MKS1: variants seen among roughly 807,000 people sequenced by gnomAD.
MKS1 encodes MKS transition zone complex subunit 1.
A neutral mutation model predicts 83.7 loss-of-function variants in MKS1; 70 were observed. The observed-to-expected ratio is 0.84, with a 90% CI of 0.69 to 1.02. The LOEUF (loss-of-function observed/expected upper bound fraction) is 1.02. Ranked by LOEUF, MKS1 falls within the 50% of genes least tolerant of loss-of-function variation. The pLI is 0.00. For synonymous variants in MKS1, 251 were observed against 273.4 expected (o/e 0.92, Z 0.81); for missense variants, 681 against 726.9 (o/e 0.94, Z 0.73).
intron 2 of MKS1, 70 bp from the exon 3 acceptor site, chr17:58,216,806 A>G (rs758064539): frequency 9.5e-5 from 141 of 1,482,336 alleles, no homozygotes; most frequent in African/African-American, 2.2e-4. Flanking sequence ...GTGGTTTATT[A>G]TAACCAAAGT....
In MKS1 at chr17:58,205,659, C is replaced by T. The variant is rs958058326; in HGVS notation, c.*420G>A. The T allele has an allele frequency of 7.6e-7, 1 of 1,308,624 alleles. No homozygotes were observed. Among genetic ancestry groups the T allele is most frequent in the African/African-American group, 1.5e-5 (1 of 66,052 alleles). 81.1% of individuals were successfully genotyped at this position (1,308,624 alleles called of 1,614,324 possible). Reference sequence around the variant, plus strand: ...TCACAGGCTGGGGATTTAAGACCCTCTCACCGTCCACCTTCCTTCCTTCTT... The same window carrying T: ...TCACAGGCTGGGGATTTAAGACCCTTTCACCGTCCACCTTCCTTCCTTCTT... On this transcript the variant is annotated 3_prime_UTR_variant, in exon 18 of 18. Coordinates refer to ENST00000393119, the MANE Select transcript of MKS1 (RefSeq NM_017777.4).
At position 58,206,080 on chromosome 17, in the gene MKS1, T is replaced by C; in HGVS notation, c.1679A>G (p.Ter560TrpextTer51). The C allele has an allele frequency of 1.2e-6, 2 of 1,610,258 alleles. No individual in the cohort carries two copies. The highest frequency in any genetic ancestry group is 1.7e-6 in the Non-Finnish European group (2 of 1,178,774). ...ACTGTGGGCCAGGGCTGCTGTGAGCTAGGAGACCAGGGTTCCAGAGGGGCT... is the reference window on the plus strand; with the variant it reads ...ACTGTGGGCCAGGGCTGCTGTGAGCCAGGAGACCAGGGTTCCAGAGGGGCT... Reference protein sequence around the residue: ...LVSPSGTLVS* With the variant: ...LVSPSGTLVSW Residue 560 changes from the stop codon to tryptophan (W), a stop_lost, in exon 18 of 18, where the codon TAG becomes TGG. Coordinates refer to ENST00000393119, the MANE Select transcript of MKS1 (RefSeq NM_017777.4).
At position 58,205,468 on chromosome 17, in the gene MKS1, A is replaced by AAAACAAAAAAACAAAC. The variant is rs1173475706; in HGVS notation, c.*595_*610dup. On this transcript the variant is annotated 3_prime_UTR_variant, in exon 18 of 18. Coordinates refer to ENST00000393119, the MANE Select transcript of MKS1 (RefSeq NM_017777.4). ...AAAATAAAAGGGGTTTATGTAACAA[A>AAAACAAAAAAACAAAC]AAACAAAAAAACAAACAAACAAAAA... 1 of 1,247,414 alleles carries AAAACAAAAAAACAAAC rather than the reference A, an allele frequency of 8.0e-7. No individual in the cohort carries two copies. Among genetic ancestry groups the AAAACAAAAAAACAAAC allele is most frequent in the Non-Finnish European group, 1.0e-6 (1 of 967,064 alleles). The allele number at this position is 1,247,414 out of a possible 1,614,324, so 77.3% of individuals were successfully genotyped here. A position where few individuals can be genotyped will look rare whatever the true frequency, so the allele number is the denominator to read the frequency against.
intron 2 of MKS1, 33 bp downstream of exon 2, chr17:58,218,587 T>C: frequency 6.9e-7 from 1 of 1,453,556 alleles, no homozygotes; most frequent in Non-Finnish European, 9.7e-7. Context: ...TCATAATTAG[T>C]ATTAGATGGC....
rs539301827 is a variant in MKS1 at position 58,209,366 on chromosome 17, C to T, written c.1025-783G>A. Reference sequence around the variant, plus strand: ...TCTTGGTAACTAGATAGAAAAGATCCCCATCTCTCATGGAGCTGACATTCT... The same window carrying T: ...TCTTGGTAACTAGATAGAAAAGATCTCCATCTCTCATGGAGCTGACATTCT... On this transcript the variant is annotated intron_variant, in intron 11 of 17. Coordinates refer to ENST00000393119, the MANE Select transcript of MKS1 (RefSeq NM_017777.4). The surrounding 1 kb of genome is among the most constrained non-coding windows in gnomAD (Gnocchi z 4.1). Among the ~76,000 whole-genome samples, 6 of 152,092 alleles carry T rather than the reference C, an allele frequency of 3.9e-5. No homozygotes were observed. The highest frequency in any genetic ancestry group is 1.4e-4 in the African/African-American group (6 of 41,402).
rs1444648070 is a variant in MKS1 at position 58,209,267 on chromosome 17, C to A, written c.1025-684G>T. On this transcript the variant is annotated intron_variant, in intron 11 of 17. Coordinates refer to ENST00000393119, the MANE Select transcript of MKS1 (RefSeq NM_017777.4). The surrounding 1 kb of genome is among the most constrained non-coding windows in gnomAD (Gnocchi z 4.1). ...AGACGGGGCGGACAGTTTCTTTATT[C>A]ATTTATTCACACAATCAATCATTCA... Among the ~76,000 whole-genome samples the A allele has an allele frequency of 6.6e-6, 1 of 152,200 alleles. No individual in the cohort carries two copies. Among genetic ancestry groups the A allele is most frequent in the Admixed American group, 6.5e-5 (1 of 15,276 alleles).
At chr17:58,208,294 G>C (rs1968655156) in intron 12 of MKS1, 120 bp from the exon 13 acceptor site, 1 of 1,038,440 alleles carries the variant, frequency 9.6e-7, no homozygotes, top group Middle Eastern at 2.8e-4. Context: ...GTGGGAAATA[G>C]GAGTCTGAGA....
At position 58,218,702 on chromosome 17, in the gene MKS1, G is replaced by T; in HGVS notation, c.108C>A (p.Ser36Arg). Reference sequence around the variant, plus strand: ...CAGCAGGCTGATAATGAAGAAAGTTGCTTGATGTGATTCTTTGCAGGTGGA... The same window carrying T: ...CAGCAGGCTGATAATGAAGAAAGTTTCTTGATGTGATTCTTTGCAGGTGGA... ...LRVHLQRITS[S>R]NFLHYQPAAE... Residue 36 changes from serine to arginine, a missense_variant, in exon 2 of 18, where the codon AGC becomes AGA. This residue lies in a region of MKS1 where 365 missense variants were observed against 383.8 expected (regional missense o/e 0.95). Coordinates refer to ENST00000393119, the MANE Select transcript of MKS1 (RefSeq NM_017777.4). 1 of 1,614,020 alleles carries T rather than the reference G, an allele frequency of 6.2e-7. No individual in the cohort carries two copies. The highest frequency in any genetic ancestry group is 8.5e-7 in the Non-Finnish European group (1 of 1,179,948).
chr17:58,217,873 C>T (rs1442882266), intron 2 of MKS1, among the ~76,000 whole-genome samples: 3 of 152,160 alleles, frequency 2.0e-5, no homozygotes, highest in Admixed American at 2.0e-4. Context: ...ATGCCTTTTT[C>T]AGAGACACGT....
At chr17:58,211,053 C>G in intron 9 of MKS1, 31 bp from the exon 10 acceptor site, 1 of 1,611,596 alleles carries the variant, frequency 6.2e-7, no homozygotes, top group South Asian at 1.1e-5. Flanking sequence ...AAAGGATCAG[C>G]AGGCCTGGAG....
Position 58,206,144 on chromosome 17 carries a change from T to C in MKS1, c.1615A>G (p.Met539Val), listed in dbSNP as rs1181990344. 6.2e-7 allele frequency: 1 copy of C among 1,613,752 alleles called. No homozygotes were observed. Among genetic ancestry groups the C allele is most frequent in the South Asian group, 1.1e-5 (1 of 91,068 alleles). The stretch of plus-strand genomic sequence containing the variant: ...GGGAGGCTTTCCCGGGCCTCCTGCA[T>C]GCGGCGCCGGGCTCGACGGAAGGCC... ...LEAFRRARRR[M>V]QEARESLPQD... The change falls in exon 18 of 18, where the codon ATG becomes GTG. Residue 539 changes from methionine (M) to valine (V), a missense_variant. By Grantham distance (21) the Met-to-Val change is conservative. Coordinates refer to ENST00000393119, the MANE Select transcript of MKS1 (RefSeq NM_017777.4).
At chr17:58,215,745 T>C (rs1006164967) in intron 4 of MKS1, 3 of 329,884 alleles carry the variant, frequency 9.1e-6, no homozygotes, top group African/African-American at 6.4e-5. Context: ...GAATTTTATC[T>C]ATATTGTTCC....
chr17:58,206,958 C>G (rs976488634), intron 15 of MKS1, 127 bp downstream of exon 15: 2 of 1,367,264 alleles, frequency 1.5e-6, no homozygotes, highest in Non-Finnish European at 2.1e-6. Flanking sequence ...CCAGCTTAAG[C>G]CACAGGAAGG....
intron 5 of MKS1, 34 bp from the exon 6 acceptor site, chr17:58,214,421 C>A (rs774266823): frequency 6.2e-7 from 1 of 1,612,242 alleles, no homozygotes; most frequent in South Asian, 1.1e-5. Context: ...ACTTCCCTGG[C>A]ACACCCCAAT....
chr17:58,207,980 A>G lies in MKS1; in HGVS notation c.1187T>C (p.Val396Ala). 1.2e-6 allele frequency: 2 copies of G among 1,614,132 alleles called. No individual in the cohort carries two copies. Among genetic ancestry groups the G allele is most frequent in the Non-Finnish European group, 1.7e-6 (2 of 1,180,030 alleles). The change falls in exon 14 of 18, where the codon GTG (valine) becomes GCG (alanine). Residue 396 changes from valine (V) to alanine (A), a missense_variant. By Grantham distance (64) the Val-to-Ala change is moderately conservative (BLOSUM62 0). This residue lies in a region of MKS1 where 310 missense variants were observed against 321.7 expected (regional missense o/e 0.96). Coordinates refer to ENST00000393119, the MANE Select transcript of MKS1 (RefSeq NM_017777.4). ...CAGCGAGAGGACCTCACAGTAGAGC[A>G]CAGGCCACTCCGGGAGTGCATCTGG... ...ESSDALPEWP[V>A]LYCEVLSLDF...
chr17:58,208,069 G>A (rs1597980419), intron 13 of MKS1, 36 bp downstream of exon 13: 2 of 1,608,254 alleles, frequency 1.2e-6, no homozygotes, highest in African/African-American at 2.7e-5. Flanking sequence ...TGCTTGAGGG[G>A]AACCAAGGCC....
At chr17:58,216,340 GATGCT>G in intron 3 of MKS1, 97 bp from the exon 4 acceptor site, 4 of 1,309,978 alleles carry the variant, frequency 3.1e-6, no homozygotes, top group Non-Finnish European at 4.3e-6. Context: ...CTACAGAACT[GATGCT>G]ATCTGACATG....
intron 14 of MKS1, chr17:58,207,470 T>G: frequency 1.7e-6 from 1 of 581,392 alleles, no homozygotes; most frequent in Non-Finnish European, 3.1e-6. Context: ...TGAAGCTCAT[T>G]CTCCTCATCT....
At chr17:58,208,375 C>T in intron 12 of MKS1, 138 bp downstream of exon 12, 2 of 1,063,814 alleles carry the variant, frequency 1.9e-6, no homozygotes, top group Non-Finnish European at 1.4e-6. Context: ...GACCAGGTGG[C>T]CCTGTAGAAC....
Sources: allele counts gnomAD v4.1 joint callset (sites outside exome capture counted in the v4.1 genomes callset), GRCh38; gene constraint gnomAD v4.1.1; regional missense constraint gnomAD v4.1.1; non-coding constraint Gnocchi (gnomAD v3.1); transcripts MANE v1.5; gene names NCBI Gene and HGNC (gene_info 2026-07-23, HGNC 2026-07-21).